SLC9A6: variants seen among roughly 807,000 people sequenced by gnomAD.
The protein encoded by SLC9A6 is solute carrier family 9 member A6, also known as sodium/hydrogen exchanger 6.
A neutral mutation model predicts 45.3 loss-of-function variants in SLC9A6; 6 were observed. The observed-to-expected ratio is 0.13, with a 90% CI of 0.07 to 0.26. The LOEUF is 0.26. Among genes scored for constraint, SLC9A6 ranks in the 10% least tolerant of loss-of-function variants. SLC9A6 has a pLI of 1.00. For synonymous variants in SLC9A6, 191 were observed against 187.7 expected (o/e 1.02, Z -0.14); for missense variants, 278 against 503.7 (o/e 0.55, Z 4.29).
At chrX:136,030,208 A>T (rs201236618) in intron 15 of SLC9A6, 46 bp downstream of exon 15, 1 of 1,132,275 alleles carries the variant, frequency 8.8e-7, no homozygotes, top group African/African-American at 1.8e-5. Flanking sequence ...TCAAATGTGC[A>T]GTCATTTGGA....
At chrX:135,977,533 T>G (rs1556613455) in intron 1 of SLC9A6, among the ~76,000 whole-genome samples, 2 of 112,147 alleles carry the variant, frequency 1.8e-5, no homozygotes, top group Non-Finnish European at 3.8e-5. Flanking sequence ...CCACTTTCCT[T>G]AGGAATATGC....
intron 15 of SLC9A6, 34 bp downstream of exon 15, chrX:136,030,196 T>C: frequency 8.5e-7 from 1 of 1,174,035 alleles, no homozygotes; most frequent in Non-Finnish European, 1.2e-6. Context: ...CTGGCATTTC[T>C]GTCAAATGTG....
At chrX:135,999,004 G>T (rs781819392) in intron 6 of SLC9A6, 36 bp downstream of exon 6, 1 of 914,500 alleles carries the variant, frequency 1.1e-6, no homozygotes, top group South Asian at 2.0e-5. Flanking sequence ...CATACTTGAG[G>T]TGCATTGTTT....
intron 11 of SLC9A6, among the ~76,000 whole-genome samples, chrX:136,020,925 T>A (rs2071115911): frequency 1.8e-5 from 2 of 108,711 alleles, no homozygotes; most frequent in African/African-American, 6.7e-5. Flanking sequence ...TCATCTTGTA[T>A]CTGTTCTGGC....
intron 12 of SLC9A6, 99 bp downstream of exon 12, chrX:136,022,796 A>G: frequency 2.3e-6 from 1 of 434,929 alleles, no homozygotes; most frequent in East Asian, 5.3e-5. Context: ...GTCATATAAT[A>G]CTCCTTTATT....
chrX:136,023,619 C>T (rs2071176512), intron 12 of SLC9A6, among the ~76,000 whole-genome samples: 1 of 109,924 alleles, frequency 9.1e-6, no homozygotes, highest in Admixed American at 9.8e-5. Context: ...GGGAATGCAT[C>T]AGTGGTTGCC....
intron 2 of SLC9A6, among the ~76,000 whole-genome samples, chrX:135,992,105 T>G (rs1387237500): frequency 9.0e-6 from 1 of 111,685 alleles, no homozygotes; most frequent in Non-Finnish European, 1.9e-5. Flanking sequence ...ATGTAGCCTT[T>G]TCCCCTGTAA....
intron 1 of SLC9A6, among the ~76,000 whole-genome samples, chrX:135,977,485 G>A (rs907495219): frequency 1.8e-5 from 2 of 111,709 alleles, no homozygotes; most frequent in Non-Finnish European, 3.8e-5. Context: ...ATTCTCCCTC[G>A]ATCTGGCACA....
upstream of SLC9A6, among the ~76,000 whole-genome samples, chrX:135,980,579 C>T (rs782753039): frequency 5.4e-5 from 6 of 111,183 alleles, no homozygotes; most frequent in African/African-American, 1.3e-4. Context: ...TTTTTAGAGT[C>T]GTGGTCTCAC....
intron 10 of SLC9A6, among the ~76,000 whole-genome samples, chrX:136,014,640 C>T (rs1217549522): frequency 1.8e-5 from 2 of 112,641 alleles, no homozygotes; most frequent in African/African-American, 6.4e-5. Context: ...TGGCTTGCGC[C>T]TGTAGTCCCA....
chrX:136,014,384 T>C (rs1354728412), intron 10 of SLC9A6, among the ~76,000 whole-genome samples: 3 of 105,765 alleles, frequency 2.8e-5, no homozygotes, highest in Non-Finnish European at 5.8e-5. Context: ...ATTAATTCAG[T>C]GCAATAAGTA....
chrX:135,994,189 C>G (rs2089469507), intron 2 of SLC9A6, among the ~76,000 whole-genome samples: 1 of 107,941 alleles, frequency 9.3e-6, no homozygotes, highest in South Asian at 4.2e-4. Flanking sequence ...ACTGCAACCT[C>G]TGCCTCCTGG....
At chrX:136,005,082 C>T (rs1556617799) in intron 7 of SLC9A6, among the ~76,000 whole-genome samples, 1 of 111,580 alleles carries the variant, frequency 9.0e-6, no homozygotes, top group Non-Finnish European at 1.9e-5. Flanking sequence ...TTATCATTGC[C>T]CTAATGGCCT....
chrX:136,013,764 G>C (rs781983198), intron 10 of SLC9A6, among the ~76,000 whole-genome samples: 6 of 112,065 alleles, frequency 5.4e-5, no homozygotes, highest in African/African-American at 1.9e-4. Context: ...GGTTTTACTT[G>C]AACTACTGCT....
chrX:135,981,698 A>G (rs1247308504), upstream of SLC9A6, among the ~76,000 whole-genome samples: 1 of 112,144 alleles, frequency 8.9e-6, no homozygotes, highest in Non-Finnish European at 1.9e-5. Context: ...ACAGGATATA[A>G]GGGTGAAGAG....
upstream of SLC9A6, among the ~76,000 whole-genome samples, chrX:135,983,185 C>T (rs1049153260): frequency 4.5e-5 from 5 of 111,534 alleles, no homozygotes; most frequent in Non-Finnish European, 7.5e-5. Context: ...CTTCAGGCCA[C>T]CTGATGCAGG....
chrX:136,001,191 G>A (rs2089576512), intron 6 of SLC9A6, among the ~76,000 whole-genome samples: 1 of 108,687 alleles, frequency 9.2e-6, no homozygotes, highest in African/African-American at 3.4e-5. Context: ...AAAAAAATTA[G>A]CCAGGTGTTC....
rs782777678 is a variant in SLC9A6, at chrX:135,988,836, GCT to G, written c.169+3012_169+3013del. Among the ~76,000 whole-genome samples, 552 of 109,677 alleles carry G rather than the reference GCT, an allele frequency of 5.0e-3. 10 individuals carry two copies. Among genetic ancestry groups the G allele is most frequent in the African/African-American group, 0.017 (514 of 30,120 alleles). ...CCCATGTTGCCCAGGCTGGTCTCAA[GCT>G]CTTAGCTCTTGGGCTCAAGCTATCC... is the stretch of plus-strand genomic sequence containing the variant. On this transcript the variant is annotated intron_variant, in intron 2 of 17. Coordinates refer to ENST00000630721, the MANE Select transcript of SLC9A6 (RefSeq NM_001379110.1).
chrX:135,989,676 C>T (rs980514199), intron 2 of SLC9A6, among the ~76,000 whole-genome samples: 23 of 111,703 alleles, frequency 2.1e-4, no homozygotes, highest in Non-Finnish European at 3.0e-4. Context: ...TGATGTTCTT[C>T]CTATATTTTT....
Sources: gnomAD v4.1 joint callset for allele counts (sites outside exome capture counted in the v4.1 genomes callset) on GRCh38, gnomAD v4.1.1 for gene constraint, MANE v1.5 for transcripts, NCBI Gene and HGNC (gene_info 2026-07-23, HGNC 2026-07-21) for gene names.